Variants in SGIP1 observed in about 807,000 individuals in gnomAD.
The protein encoded by SGIP1 is SH3-containing GRB2-like protein 3-interacting protein 1.
A neutral mutation model predicts 107.5 loss-of-function variants in SGIP1; 38 were observed. The ratio of observed to expected loss-of-function variants is 0.35; its 90% CI spans 0.27 to 0.46. SGIP1 has a LOEUF of 0.46. Among genes scored for constraint, SGIP1 ranks in the 20% least tolerant of loss-of-function variants. SGIP1 has a pLI of 1.00. For synonymous variants in SGIP1, 365 were observed against 366.1 expected (o/e 1.00, Z 0.03); for missense variants, 929 against 1,019.5 (o/e 0.91, Z 1.21).
chr1:66,556,684 C>G (rs1363399263), intron 1 of SGIP1, among the ~76,000 whole-genome samples: 1 of 151,700 alleles, frequency 6.6e-6, no homozygotes, highest in African/African-American at 2.4e-5. Flanking sequence ...GCAAGGTGCC[C>G]TACTTCTGAT....
intron 1 of SGIP1, among the ~76,000 whole-genome samples, chr1:66,608,987 T>TGTTCACTTATATCCCACAGGGATGAA (rs2067382295): frequency 7.2e-6 from 1 of 139,318 alleles, no homozygotes; most frequent in South Asian, 2.4e-4. Flanking sequence ...GCTCCTGGTT[T>TGTTCACTTATATCCCACAGGGATGAA]GGTCACTTAT....
At chr1:66,603,796 T>A (rs2066312797) in intron 1 of SGIP1, among the ~76,000 whole-genome samples, 1 of 152,206 alleles carries the variant, frequency 6.6e-6, no homozygotes, top group South Asian at 2.1e-4. Flanking sequence ...ACTTTCCAAC[T>A]TTCCCCCAAT....
At chr1:66,709,271 T>C (rs922496188) in intron 18 of SGIP1, among the ~76,000 whole-genome samples, 2 of 142,056 alleles carry the variant, frequency 1.4e-5, no homozygotes, top group African/African-American at 5.1e-5. Context: ...TTAAGTACAC[T>C]TTCCTCATTT....
At chr1:66,635,015 C>A (rs116943948) in intron 3 of SGIP1, among the ~76,000 whole-genome samples, 3 of 152,184 alleles carry the variant, frequency 2.0e-5, no homozygotes, top group Non-Finnish European at 4.4e-5. Flanking sequence ...CAAATTATTG[C>A]CTTTTGAATG....
chr1:66,565,658 T>G (rs1454236983), intron 1 of SGIP1, among the ~76,000 whole-genome samples: 3 of 151,960 alleles, frequency 2.0e-5, no homozygotes, highest in Non-Finnish European at 4.4e-5. Context: ...AATTTGGGCT[T>G]AGATTTCCAG....
At chr1:66,604,365 G>T (rs1428294839) in intron 1 of SGIP1, among the ~76,000 whole-genome samples, 3 of 152,098 alleles carry the variant, frequency 2.0e-5, no homozygotes, top group Admixed American at 6.5e-5. Context: ...TTTCCATCAT[G>T]GTCGTCTCAG....
chr1:66,642,859 C>A lies in SGIP1; in HGVS notation c.278C>A (p.Pro93His), dbSNP rs1209129238. The A allele has an allele frequency of 6.2e-7, 1 of 1,610,508 alleles. No individual in the cohort carries two copies. Among genetic ancestry groups the A allele is most frequent in the East Asian group, 2.2e-5 (1 of 44,728 alleles). ...EEGYSIRPEE[P>H]GSTKGKHFYS... is the part of the protein sequence containing the mutation. ...GGCTACAGCATCAGACCCGAGGAAC[C>A]CGGCTATATCCTTTCTTTATTTTTT... is the stretch of plus-strand genomic sequence containing the variant. Residue 93 changes from proline (P) to histidine (H), a missense_variant, in exon 6 of 25, where the codon CCC (proline) becomes CAC (histidine). Transcript: ENST00000371037.
At chr1:66,545,685 AAG>A in intron 1 of SGIP1, among the ~76,000 whole-genome samples, 1 of 89,820 alleles carries the variant, frequency 1.1e-5, no homozygotes, top group South Asian at 3.8e-4. Flanking sequence ...TACAGAGAGA[AAG>A]AGAGAGAGGA....
chr1:66,688,496 G>C (rs1165074868), intron 15 of SGIP1, among the ~76,000 whole-genome samples: 2 of 152,318 alleles, frequency 1.3e-5, no homozygotes, highest in African/African-American at 2.4e-5. Flanking sequence ...AGATTCCCAA[G>C]CAGCCTCCTT....
At chr1:66,681,519 T>A (rs2086685478) in intron 14 of SGIP1, among the ~76,000 whole-genome samples, 1 of 152,234 alleles carries the variant, frequency 6.6e-6, no homozygotes, top group Admixed American at 6.5e-5. Flanking sequence ...CCTGTACTTT[T>A]CTGTGAATCT....
chr1:66,555,526 A>T (rs2058054048), intron 1 of SGIP1, among the ~76,000 whole-genome samples: 1 of 152,250 alleles, frequency 6.6e-6, no homozygotes, highest in South Asian at 2.1e-4. Context: ...CTCATAATAA[A>T]AGCTTAGTAA....
chr1:66,698,906 G>A (rs1439764825), intron 18 of SGIP1, among the ~76,000 whole-genome samples: 1 of 150,270 alleles, frequency 6.7e-6, no homozygotes, highest in Non-Finnish European at 1.5e-5. Flanking sequence ...CGTATGTGGT[G>A]GTGAAAAACA....
intron 1 of SGIP1, among the ~76,000 whole-genome samples, chr1:66,545,664 G>GTGTGTGTGTGTT (rs1327202953): frequency 1.3e-5 from 2 of 151,786 alleles, no homozygotes. Context: ...GTGTGTGTGT[G>GTGTGTGTGTGTT]TGTGTATACA....
At chr1:66,673,683 A>T (rs1333842528) in intron 12 of SGIP1, among the ~76,000 whole-genome samples, 1 of 152,212 alleles carries the variant, frequency 6.6e-6, no homozygotes, top group East Asian at 1.9e-4. Context: ...GACCATCATC[A>T]TTTGAGGTGT....
At chr1:66,604,656 A>G (rs1196691416) in intron 1 of SGIP1, among the ~76,000 whole-genome samples, 1 of 152,204 alleles carries the variant, frequency 6.6e-6, no homozygotes, top group Non-Finnish European at 1.5e-5. Flanking sequence ...ATGATGAAGT[A>G]TGTGATGTAA....
At chr1:66,583,754 C>A (rs1438428644) in intron 1 of SGIP1, among the ~76,000 whole-genome samples, 1 of 152,124 alleles carries the variant, frequency 6.6e-6, no homozygotes, top group Admixed American at 6.6e-5. Context: ...GTTCACATAG[C>A]TTGCTCCTGT....
intron 1 of SGIP1, among the ~76,000 whole-genome samples, chr1:66,589,906 G>A (rs906205228): frequency 1.2e-4 from 18 of 152,066 alleles, no homozygotes; most frequent in African/African-American, 4.3e-4. Flanking sequence ...TGAAATTTAT[G>A]TTGCATTTAT....
intron 18 of SGIP1, among the ~76,000 whole-genome samples, chr1:66,697,030 C>CGTT (rs1400028718): frequency 2.0e-5 from 3 of 152,102 alleles, no homozygotes; most frequent in African/African-American, 7.2e-5. Flanking sequence ...GGAAAGTAAA[C>CGTT]AAGGCACTTT....
At chr1:66,601,474 T>C (rs1184758786) in intron 1 of SGIP1, among the ~76,000 whole-genome samples, 2 of 152,136 alleles carry the variant, frequency 1.3e-5, no homozygotes, top group African/African-American at 4.8e-5. Flanking sequence ...CTGTCCATTA[T>C]TTTTGTCAGA....
Sources: allele counts gnomAD v4.1 joint callset (sites outside exome capture counted in the v4.1 genomes callset), GRCh38; gene constraint gnomAD v4.1.1; transcripts MANE v1.5; gene names NCBI Gene and HGNC (gene_info 2026-07-23, HGNC 2026-07-21).